The following POLR1G variants were observed in gnomAD, a reference collection of about 807,000 sequenced individuals.
The protein encoded by POLR1G is DNA-directed RNA polymerase I subunit RPA34.
Under a neutral mutation model 6.3 loss-of-function variants are expected in POLR1G, and 9 were observed. The observed-to-expected ratio is 1.44, with a 90% CI of 0.87 to 2.51. The LOEUF is 2.51. Ranked by LOEUF, POLR1G falls within the 30% of genes most tolerant of loss-of-function variation. POLR1G has a pLI of 0.00. For synonymous variants in POLR1G, 248 were observed against 256.5 expected, an observed-to-expected ratio of 0.97 and a Z score of 0.32; for missense variants, 617 against 632.5, an observed-to-expected ratio of 0.98 and a Z score of 0.26.
chr19:45,409,087 G>A lies in POLR1G; in HGVS notation c.1119G>A (p.Lys373=), dbSNP rs1206088531. 3 of 1,613,438 alleles carry A rather than the reference G, an allele frequency of 1.9e-6. No homozygotes were observed. Among genetic ancestry groups the A allele is most frequent in the Non-Finnish European group, 1.7e-6 (2 of 1,179,640 alleles). ...TMAPQQPEGA[K]PQAQAALAAP... ...CGCCTCAACAGCCAGAAGGAGCGAA[G>A]CCTCAGGCCCAGGCAGCTCTGGCAG... Residue 373 remains lysine (K), a synonymous_variant, in exon 3 of 3, where the codon AAG becomes AAA. Transcript: ENST00000309424.
Position 45,406,829 on chromosome 19 carries a change from G to T in POLR1G, c.22+111G>T. 1 of 1,132,414 alleles carries T rather than the reference G, an allele frequency of 8.8e-7. No homozygotes were observed. The highest frequency in any genetic ancestry group is 1.2e-6 in the Non-Finnish European group (1 of 821,244). 70.1% of individuals were successfully genotyped at this position (1,132,414 alleles called of 1,614,324 possible). ...CGTACCTGCAAGCAGGACTTGCGAA[G>T]AGCGTGCATTCCCAGTGGGCGAACG... On this transcript the variant is annotated intron_variant, in intron 1 of 2. Coordinates refer to ENST00000309424, the MANE Select transcript of POLR1G (RefSeq NM_012099.3). This position sits in a 1 kb window ranked among gnomAD's most constrained non-coding sequence, Gnocchi z 4.2.
At position 45,408,471 on chromosome 19, in the gene POLR1G, A is replaced by T. The variant is rs1031778537; in HGVS notation, c.503A>T (p.Asn168Ile). The change falls in exon 3 of 3, where the codon AAC becomes ATC. Residue 168 changes from asparagine (N) to isoleucine (I), a missense_variant. Coordinates refer to ENST00000309424, the MANE Select transcript of POLR1G (RefSeq NM_012099.3). Reference sequence around the variant, plus strand: ...GGGCCTAGGTCAGCCTTGGCCCCCAACCTGCTCACCTCAGGGAAGAAGAAA... The same window carrying T: ...GGGCCTAGGTCAGCCTTGGCCCCCATCCTGCTCACCTCAGGGAAGAAGAAA... ...VTGPRSALAP[N>I]LLTSGKKKKE... 2.5e-6 allele frequency: 4 copies of T among 1,613,868 alleles called. No individual in the cohort carries two copies. The highest frequency in any genetic ancestry group is 3.4e-6 in the Non-Finnish European group (4 of 1,179,940).
rs2123435700 is a variant in POLR1G at position 45,409,449 on chromosome 19, C to G, written c.1481C>G (p.Ala494Gly). The G allele has an allele frequency of 6.2e-7, 1 of 1,613,094 alleles. No individual in the cohort carries two copies. Among genetic ancestry groups the G allele is most frequent in the Non-Finnish European group, 8.5e-7 (1 of 1,179,950 alleles). Residue 494 changes from alanine to glycine, a missense_variant, in exon 3 of 3, where the codon GCT becomes GGT. Physicochemically the swap from Ala to Gly is moderately conservative, Grantham distance 60 (BLOSUM62 0). Coordinates refer to ENST00000309424, the MANE Select transcript of POLR1G (RefSeq NM_012099.3). ...CTGAATTCAGAGTCTGGGGAGGAGG[C>G]TCCCACAGGCCGGGACAAGAAGCGG... is the stretch of plus-strand genomic sequence containing the variant. ...PPLNSESGEE[A>G]PTGRDKKRKQ... is the part of the protein sequence containing the mutation.
rs35729377 is a variant in POLR1G at position 45,409,231 on chromosome 19, CAAG to C, written c.1281_1283del (p.Lys428del). The C allele has an allele frequency of 0.23, 318,016 of 1,398,546 alleles. 24,815 individuals are homozygous for C. Among genetic ancestry groups the C allele is most frequent in the South Asian group, 0.29 (19,128 of 65,490 alleles). The allele number at this position is 1,398,546 out of a possible 1,614,324, so 86.6% of individuals were successfully genotyped here. On this transcript the variant is annotated inframe_deletion, in exon 3 of 3. Transcript: ENST00000309424. ...AGCCTCAGGCAGCTCCCACATCCAC[CAAG>C]AAGAAGAAGAAGAAGAAAGAGAGAG...
At position 45,408,519 on chromosome 19, in the gene POLR1G, C is replaced by A; in HGVS notation, c.551C>A (p.Ala184Asp). 1 of 1,614,000 alleles carries A rather than the reference C, an allele frequency of 6.2e-7. No homozygotes were observed. Among genetic ancestry groups the A allele is most frequent in the Non-Finnish European group, 8.5e-7 (1 of 1,179,990 alleles). The change falls in exon 3 of 3, where the codon GCC becomes GAC. Residue 184 changes from alanine (A) to aspartate (D), a missense_variant. Transcript: ENST00000309424. ...KKKKEMQVTE[A>D]PVTQEAVNGH... ...AAAAAGGAGATGCAGGTGACAGAGG[C>A]CCCAGTCACTCAGGAGGCAGTGAAT...
At chr19:45,407,344 GA>G in intron 2 of POLR1G, 109 bp downstream of exon 2, 1 of 1,088,868 alleles carries the variant, frequency 9.2e-7, no homozygotes, top group Non-Finnish European at 1.3e-6. Flanking sequence ...CACAGTGAAA[GA>G]AACAAGTTTA....
intron 2 of POLR1G, 54 bp downstream of exon 2, chr19:45,407,289 G>T: frequency 6.5e-7 from 1 of 1,544,160 alleles, no homozygotes. Context: ...CCAAGAGCGG[G>T]TTCTTGAATT....
intron 1 of POLR1G, 36 bp from the exon 2 acceptor site, chr19:45,407,058 A>T: frequency 1.3e-6 from 2 of 1,574,602 alleles, no homozygotes; most frequent in South Asian, 1.2e-5. Flanking sequence ...ACCGGCAAGG[A>T]GGTGTCAGTC....
chr19:45,408,693 TG>T lies in POLR1G; in HGVS notation c.728del (p.Gly243GlufsTer27). The T allele has an allele frequency of 6.2e-7, 1 of 1,612,768 alleles. No individual in the cohort carries two copies. Among genetic ancestry groups the T allele is most frequent in the South Asian group, 1.1e-5 (1 of 90,974 alleles). On this transcript the variant is annotated frameshift_variant, in exon 3 of 3. Transcript: ENST00000309424. LOFTEE classifies it low-confidence loss of function (END_TRUNC). ...TEPTVETLEPLGVLFPSTTKK... is the reference protein window; with the variant it reads ...TEPTVETLEPXGVLFPSTTKK... ...CCCACAGTGGAGACACTGGAGCCTC[TG>T]GGAGTGCTGTTCCCGTCCACCACCA...
Position 45,409,134 on chromosome 19 carries a change from A to C in POLR1G, c.1166A>C (p.Lys389Thr). 6.2e-7 allele frequency: 1 copy of C among 1,613,266 alleles called. No individual in the cohort carries two copies. The highest frequency in any genetic ancestry group is 8.5e-7 in the Non-Finnish European group (1 of 1,179,414). Residue 389 changes from lysine (K) to threonine (T), a missense_variant, in exon 3 of 3, where the codon AAA becomes ACA. Transcript: ENST00000309424. ...GCAGCTCCCAAAAAGAAGACGAAGA[A>C]AGAAAAACAGCAAGATGCCACAGTG... ...ALAAPKKKTK[K>T]EKQQDATVEP...
rs1568572608 is a variant in POLR1G at position 45,409,687 on chromosome 19, C to T, written c.*186C>T. On this transcript the variant is annotated 3_prime_UTR_variant, in exon 3 of 3. Coordinates refer to ENST00000309424, the MANE Select transcript of POLR1G (RefSeq NM_012099.3). The stretch of plus-strand genomic sequence containing the variant: ...GCAGCTGGGGTCATCAGGGTACTTT[C>T]AAGAAGGGCTCGTGCAGGACATCAA... 9.4e-7 allele frequency: 1 copy of T among 1,061,698 alleles called. No individual in the cohort carries two copies. The highest frequency in any genetic ancestry group is 1.5e-6 in the Non-Finnish European group (1 of 675,946). 65.8% of individuals were successfully genotyped at this position (1,061,698 alleles called of 1,614,324 possible). A position where few individuals can be genotyped will look rare whatever the true frequency, so the allele number is the denominator to read the frequency against.
rs373496739 is a variant in POLR1G at position 45,409,150 on chromosome 19, T to C, written c.1182T>C (p.Asp394=). ...KKKTKKEKQQ[D]ATVEPETEVV... is the part of the protein sequence containing the mutation. ...AGACGAAGAAAGAAAAACAGCAAGATGCCACAGTGGAGCCAGAGACAGAGG... is the reference window on the plus strand; with the variant it reads ...AGACGAAGAAAGAAAAACAGCAAGACGCCACAGTGGAGCCAGAGACAGAGG... The change falls in exon 3 of 3, where the codon GAT becomes GAC. Residue 394 remains aspartate (D), a synonymous_variant. Transcript: ENST00000309424. 4.3e-6 allele frequency: 7 copies of C among 1,612,306 alleles called. No homozygotes were observed. The highest frequency in any genetic ancestry group is 1.3e-5 in the African/African-American group (1 of 74,622).
chr19:45,409,602 C>T lies in POLR1G; in HGVS notation c.*101C>T, dbSNP rs1041342185. Reference sequence around the variant, plus strand: ...AATCCCTCCCCAGAGACTGCACCAGCGCAGCCAGCAGGAGCCTGGCCTGGG... The same window carrying T: ...AATCCCTCCCCAGAGACTGCACCAGTGCAGCCAGCAGGAGCCTGGCCTGGG... On this transcript the variant is annotated 3_prime_UTR_variant, in exon 3 of 3. Transcript: ENST00000309424. The T allele has an allele frequency of 8.9e-6, 14 of 1,577,692 alleles. No homozygotes were observed. In the African/African-American group the frequency reaches 9.4e-5, roughly 11 times the overall value.
Position 45,407,276 on chromosome 19 carries a change from AC to A in POLR1G, c.164+45del, listed in dbSNP as rs1973405248. 5 of 1,574,022 alleles carry A rather than the reference AC, an allele frequency of 3.2e-6. No homozygotes were observed. In the East Asian group the frequency reaches 1.1e-4, roughly 36 times the overall value. On this transcript the variant is annotated intron_variant, in intron 2 of 2. Transcript: ENST00000309424. ...GACGGAAAAGAGGGTCCCGGTCCAG[AC>A]CCCAAGAGCGGGTTCTTGAATTTGT...
rs1239484346 is a variant in POLR1G at position 45,409,088 on chromosome 19, C to A, written c.1120C>A (p.Pro374Thr). The stretch of plus-strand genomic sequence containing the variant: ...GCCTCAACAGCCAGAAGGAGCGAAG[C>A]CTCAGGCCCAGGCAGCTCTGGCAGC... ...MAPQQPEGAKPQAQAALAAPK... is the reference protein window; with the variant it reads ...MAPQQPEGAKTQAQAALAAPK... Residue 374 changes from proline to threonine, a missense_variant, in exon 3 of 3, where the codon CCT (proline) becomes ACT (threonine). Physicochemically the swap from Pro to Thr is conservative, Grantham distance 38. Coordinates refer to ENST00000309424, the MANE Select transcript of POLR1G (RefSeq NM_012099.3). 6.2e-7 allele frequency: 1 copy of A among 1,613,536 alleles called. No homozygotes were observed. Among genetic ancestry groups the A allele is most frequent in the South Asian group, 1.1e-5 (1 of 91,020 alleles).
chr19:45,406,752 C>T lies in POLR1G; in HGVS notation c.22+34C>T. ...GCGGGTTGACGGGGTGCGGAGGGTG[C>T]GTTGGTGGAAGGAGAAAGGGGCGTC... On this transcript the variant is annotated intron_variant, in intron 1 of 2. Transcript: ENST00000309424. The surrounding 1 kb of genome is among the most constrained non-coding windows in gnomAD (Gnocchi z 4.2). The T allele has an allele frequency of 1.3e-6, 2 of 1,507,668 alleles. No homozygotes were observed. The highest frequency in any genetic ancestry group is 2.5e-5 in the South Asian group (2 of 78,540). 93.4% of individuals were successfully genotyped at this position (1,507,668 alleles called of 1,614,324 possible).
At chr19:45,407,023 C>G in intron 1 of POLR1G, 71 bp from the exon 2 acceptor site, 1 of 1,536,122 alleles carries the variant, frequency 6.5e-7, no homozygotes, top group South Asian at 1.3e-5. Context: ...ACCAATGGAC[C>G]GATAGGCGCG....
chr19:45,408,224 T>C lies in POLR1G; in HGVS notation c.256T>C (p.Cys86Arg), dbSNP rs759323601. ...GCACCGCTATCGAGTCCTCAGCAGCTGTCCCCAAGCTGGAGAAGCGACCCT... is the reference window on the plus strand; with the variant it reads ...GCACCGCTATCGAGTCCTCAGCAGCCGTCCCCAAGCTGGAGAAGCGACCCT... ...KRHRYRVLSS[C>R]PQAGEATLLA... Residue 86 changes from cysteine (C) to arginine (R), a missense_variant, in exon 3 of 3, where the codon TGT (cysteine) becomes CGT (arginine). By Grantham distance (180) the Cys-to-Arg change is radical (BLOSUM62 -3). Coordinates refer to ENST00000309424, the MANE Select transcript of POLR1G (RefSeq NM_012099.3). 5 of 1,614,014 alleles carry C rather than the reference T, an allele frequency of 3.1e-6. No homozygotes were observed. The highest frequency in any genetic ancestry group is 3.4e-6 in the Non-Finnish European group (4 of 1,180,012).
chr19:45,409,684 T>C lies in POLR1G; in HGVS notation c.*183T>C, dbSNP rs1973567415. ...TTGGCAGCTGGGGTCATCAGGGTAC[T>C]TTCAAGAAGGGCTCGTGCAGGACAT... is the stretch of plus-strand genomic sequence containing the variant. On this transcript the variant is annotated 3_prime_UTR_variant, in exon 3 of 3. Coordinates refer to ENST00000309424, the MANE Select transcript of POLR1G (RefSeq NM_012099.3). 1.8e-6 allele frequency: 2 copies of C among 1,096,938 alleles called. No individual in the cohort carries two copies. Among genetic ancestry groups the C allele is most frequent in the Non-Finnish European group, 2.8e-6 (2 of 708,060 alleles). 68.0% of individuals were successfully genotyped at this position (1,096,938 alleles called of 1,614,324 possible).
Sources: gnomAD v4.1 joint callset for allele counts on GRCh38, gnomAD v4.1.1 for gene constraint, Gnocchi (gnomAD v3.1) non-coding constraint, MANE v1.5 for transcripts, NCBI Gene and HGNC (gene_info 2026-07-23, HGNC 2026-07-21) for gene names.